COLGALT1: variants seen among roughly 807,000 people sequenced by gnomAD.
The protein encoded by COLGALT1 is collagen beta(1-O)galactosyltransferase 1, also known as procollagen galactosyltransferase 1.
A neutral mutation model predicts 60.8 loss-of-function variants in COLGALT1; 43 were observed. That is an observed-to-expected ratio of 0.71 (90% confidence interval 0.55 to 0.91). COLGALT1 has a LOEUF of 0.91. COLGALT1 is among the 40% of genes least tolerant of loss of function. COLGALT1 has a pLI of 0.00. For missense variants in COLGALT1, 845 were observed against 880.0 expected, an observed-to-expected ratio of 0.96 and a Z score of 0.50; for synonymous variants, 369 against 374.2, an observed-to-expected ratio of 0.99 and a Z score of 0.16.
rs1461937998 is a variant in COLGALT1 at position 17,555,777 on chromosome 19, C to A, written c.64C>A (p.Leu22Met). The A allele has an allele frequency of 3.2e-6, 4 of 1,238,468 alleles. No individual in the cohort carries two copies. In the Admixed American group the frequency reaches 1.7e-4, roughly 53 times the overall value. The allele number at this position is 1,238,468 out of a possible 1,614,324, so 76.7% of individuals were successfully genotyped here. Residue 22 changes from leucine (L) to methionine (M), a missense_variant, in exon 1 of 12, where the codon CTG (leucine) becomes ATG (methionine). Leu to Met is a conservative substitution (Grantham distance 15). Coordinates refer to ENST00000252599, the MANE Select transcript of COLGALT1 (RefSeq NM_024656.4). ...GCCGCTCCTGGCGCTGCTGCTTCTG[C>A]TGCTGGCGCCACTGCCGCCGGGGGC... ...GQPLLALLLL[L>M]LAPLPPGAPP...
intron 3 of COLGALT1, among the ~76,000 whole-genome samples, chr19:17,562,326 G>T (rs992252860): frequency 6.6e-6 from 1 of 152,192 alleles, no homozygotes; most frequent in Admixed American, 6.6e-5. Flanking sequence ...GCCATGGAGG[G>T]TGTGTGAGCA....
chr19:17,563,372 C>T (rs1247405469), intron 3 of COLGALT1, among the ~76,000 whole-genome samples: 5 of 149,956 alleles, frequency 3.3e-5, no homozygotes, highest in African/African-American at 1.2e-4. Flanking sequence ...TTTTTTGTGA[C>T]GGAGTCTCAC....
intron 1 of COLGALT1, among the ~76,000 whole-genome samples, chr19:17,557,457 A>T (rs933036465): frequency 1.3e-5 from 2 of 151,782 alleles, no homozygotes; most frequent in Admixed American, 1.3e-4. Context: ...GCGCACCACC[A>T]TGCCTGGCTA....
chr19:17,560,128 C>T (rs192731756), intron 2 of COLGALT1, among the ~76,000 whole-genome samples: 169 of 152,264 alleles, frequency 1.1e-3, no homozygotes, highest in Non-Finnish European at 1.0e-3. Context: ...CAGTGTGCCT[C>T]GGGCTTTCTT....
At position 17,555,796 on chromosome 19, in the gene COLGALT1, C is replaced by CG; in HGVS notation, c.88dup (p.Ala30GlyfsTer67). 1 of 1,248,456 alleles carries CG rather than the reference C, an allele frequency of 8.0e-7. No individual in the cohort carries two copies. Among genetic ancestry groups the CG allele is most frequent in the Non-Finnish European group, 1.0e-6 (1 of 996,174 alleles). The allele number at this position is 1,248,456 out of a possible 1,614,324, so 77.3% of individuals were successfully genotyped here. A position where few individuals can be genotyped will look rare whatever the true frequency, so the allele number is the denominator to read the frequency against. ...CTTCTGCTGCTGGCGCCACTGCCGC[C>CG]GGGGGCCCCGCCGGGCGCCGACGCC... On this transcript the variant is annotated frameshift_variant, in exon 1 of 12. Coordinates refer to ENST00000252599, the MANE Select transcript of COLGALT1 (RefSeq NM_024656.4). LOFTEE classifies it high-confidence loss of function.
intron 3 of COLGALT1, 83 bp downstream of exon 3, chr19:17,560,548 C>A: frequency 1.8e-6 from 2 of 1,097,680 alleles, no homozygotes; most frequent in African/African-American, 1.5e-5. Flanking sequence ...ATGCCAGGAC[C>A]ATCCTTAATG....
intron 6 of COLGALT1, among the ~76,000 whole-genome samples, chr19:17,575,901 C>G (rs1480043202): frequency 6.6e-6 from 1 of 152,092 alleles, no homozygotes; most frequent in African/African-American, 2.4e-5. Context: ...ACCCTGTGTC[C>G]AAATAGGATC....
chr19:17,555,786 C>A lies in COLGALT1; in HGVS notation c.73C>A (p.Pro25Thr). Residue 25 changes from proline to threonine, a missense_variant, in exon 1 of 12, where the codon CCA becomes ACA. Physicochemically the swap from Pro to Thr is conservative, Grantham distance 38 (BLOSUM62 -1). Coordinates refer to ENST00000252599, the MANE Select transcript of COLGALT1 (RefSeq NM_024656.4). ...GGCGCTGCTGCTTCTGCTGCTGGCG[C>A]CACTGCCGCCGGGGGCCCCGCCGGG... Reference protein sequence around the residue: ...LLALLLLLLAPLPPGAPPGAD... With the variant: ...LLALLLLLLATLPPGAPPGAD... 8.0e-7 allele frequency: 1 copy of A among 1,243,764 alleles called. No homozygotes were observed. The highest frequency in any genetic ancestry group is 3.2e-5 in the East Asian group (1 of 30,784). The allele number at this position is 1,243,764 out of a possible 1,614,324, so 77.0% of individuals were successfully genotyped here.
At chr19:17,560,843 G>A (rs1480552902) in intron 3 of COLGALT1, among the ~76,000 whole-genome samples, 1 of 149,356 alleles carries the variant, frequency 6.7e-6, no homozygotes, top group East Asian at 2.0e-4. Context: ...AGCGATTCCC[G>A]TGCCACAGCC....
chr19:17,570,089 T>C (rs1345619162), intron 5 of COLGALT1, among the ~76,000 whole-genome samples: 1 of 151,582 alleles, frequency 6.6e-6, no homozygotes, highest in Non-Finnish European at 1.5e-5. Context: ...GAGACGGGGT[T>C]TCACTGTGTT....
chr19:17,572,489 A>C lies in COLGALT1; in HGVS notation c.836A>C (p.Gln279Pro). Residue 279 changes from glutamine (Q) to proline (P), a missense_variant, in exon 6 of 12, where the codon CAG becomes CCG. By Grantham distance (76) the Gln-to-Pro change is moderately conservative. Coordinates refer to ENST00000252599, the MANE Select transcript of COLGALT1 (RefSeq NM_024656.4). ...GCTTCCCTGCCCACTGCAGAGGTTC[A>C]GATGTATGTGTGCAACAAGGAGGAG... ...FAFSCKQAEV[Q>P]MYVCNKEEYG... 6.2e-7 allele frequency: 1 copy of C among 1,614,078 alleles called. No individual in the cohort carries two copies. Among genetic ancestry groups the C allele is most frequent in the Non-Finnish European group, 8.5e-7 (1 of 1,180,004 alleles).
At chr19:17,575,893 C>G (rs55637833) in intron 6 of COLGALT1, among the ~76,000 whole-genome samples, 1 of 152,226 alleles carries the variant, frequency 6.6e-6, no homozygotes, top group Non-Finnish European at 1.5e-5. Flanking sequence ...TGTACACAAC[C>G]CTGTGTCCAA....
intron 4 of COLGALT1, among the ~76,000 whole-genome samples, chr19:17,567,898 G>A (rs768858120): frequency 4.6e-5 from 7 of 152,196 alleles, no homozygotes; most frequent in East Asian, 3.9e-4. Flanking sequence ...GCAGTGAGCC[G>A]AGATCACGCC....
At chr19:17,557,822 G>A (rs987201615) in intron 1 of COLGALT1, among the ~76,000 whole-genome samples, 3 of 151,538 alleles carry the variant, frequency 2.0e-5, no homozygotes, top group African/African-American at 4.8e-5. Flanking sequence ...GGCTGGTCTC[G>A]AACTCCCGAG....
chr19:17,566,433 C>G (rs1228583879), intron 3 of COLGALT1, among the ~76,000 whole-genome samples: 1 of 151,974 alleles, frequency 6.6e-6, no homozygotes, highest in African/African-American at 2.4e-5. Flanking sequence ...TCTTTACATC[C>G]TGGTAGAGGG....
chr19:17,561,619 G>A (rs531780574), intron 3 of COLGALT1, among the ~76,000 whole-genome samples: 2 of 110,080 alleles, frequency 1.8e-5, no homozygotes, highest in African/African-American at 3.6e-5. Context: ...GCCACAGTAT[G>A]AGACTCTGTC....
chr19:17,560,886 C>T (rs2076245026), intron 3 of COLGALT1, among the ~76,000 whole-genome samples: 1 of 151,660 alleles, frequency 6.6e-6, no homozygotes, highest in African/African-American at 2.4e-5. Flanking sequence ...GCACCCACCA[C>T]CACGCCCGGC....
chr19:17,570,018 C>T (rs1159061606), intron 5 of COLGALT1, among the ~76,000 whole-genome samples: 3 of 150,830 alleles, frequency 2.0e-5, no homozygotes, highest in Non-Finnish European at 4.4e-5. Context: ...CCTCAGCTTT[C>T]CGCGTAGCTG....
chr19:17,576,750 G>C (rs2076343789), intron 6 of COLGALT1, among the ~76,000 whole-genome samples: 2 of 149,244 alleles, frequency 1.3e-5, no homozygotes, highest in African/African-American at 5.0e-5. Flanking sequence ...GGGGGAGGCT[G>C]TGGGGTGAAG....
Sources: gnomAD v4.1 joint callset for allele counts (sites outside exome capture counted in the v4.1 genomes callset) on GRCh38, gnomAD v4.1.1 for gene constraint, MANE v1.5 for transcripts, NCBI Gene and HGNC (gene_info 2026-07-23, HGNC 2026-07-21) for gene names.